Variants in ADGRL3 observed in about 807,000 individuals in gnomAD.
ADGRL3 encodes the protein calcium-independent alpha-latrotoxin receptor 3.
ADGRL3 carries 62 observed loss-of-function variants against 153.5 expected under a neutral mutation model. That is an observed-to-expected ratio of 0.40 (90% CI 0.33 to 0.50). The LOEUF (loss-of-function observed/expected upper bound fraction) is 0.50. ADGRL3 is among the 20% of genes least tolerant of loss of function. The probability of loss-of-function intolerance (pLI) is 0.47; values close to 1 mark genes in which losing one functional copy is unlikely to be tolerated. For missense variants in ADGRL3, 1,641 were observed against 1,859.4 expected, an observed-to-expected ratio of 0.88 and a Z score of 2.16; for synonymous variants, 710 against 672.5, an observed-to-expected ratio of 1.06 and a Z score of -0.86.
intron 17 of ADGRL3, among the ~76,000 whole-genome samples, chr4:61,966,308 G>GT (rs1390147245): frequency 2.6e-5 from 4 of 151,978 alleles, no homozygotes; most frequent in Non-Finnish European, 5.9e-5. Context: ...CTATTATATG[G>GT]TTTTTATAAT....
intron 1 of ADGRL3, among the ~76,000 whole-genome samples, chr4:61,217,499 A>T (rs76224520): frequency 0.014 from 2,180 of 152,324 alleles, 14 homozygotes; most frequent in Middle Eastern, 0.024. Context: ...GGCAATAGAG[A>T]AAACAAATCT....
chr4:61,972,782 A>G lies in ADGRL3; in HGVS notation c.2806-6781A>G, dbSNP rs1338998247. ...CATTTTCACAATATTGATTCTTCCT[A>G]CCCATGAGCATGGAATGTTCTTCCA... On this transcript the variant is annotated intron_variant, in intron 17 of 26. Transcript: ENST00000683033. 2.0e-5 allele frequency among the ~76,000 whole-genome samples: 3 copies of G among 152,104 alleles called. No homozygotes were observed. In the South Asian group the frequency reaches 6.2e-4, roughly 32 times the overall value.
intron 8 of ADGRL3, chr4:61,775,423 TG>T: frequency 2.9e-6 from 2 of 682,234 alleles, no homozygotes; most frequent in East Asian, 3.0e-5. Context: ...TGTGTGTGTG[TG>T]TGTGTGTGCC....
In ADGRL3 at chr4:62,033,046, A is replaced by G. The variant is rs184489088; in HGVS notation, c.3591+1436A>G. On this transcript the variant is annotated intron_variant, in intron 23 of 26. Transcript: ENST00000683033. ...CAAATAATTAATATGTACACCCCCC[A>G]AATTACAGAAGCCTGCCTAAACATA... 3.3e-5 allele frequency among the ~76,000 whole-genome samples: 5 copies of G among 151,888 alleles called. No individual in the cohort carries two copies. In the East Asian group the frequency reaches 9.7e-4, roughly 29 times the overall value.
intron 5 of ADGRL3, among the ~76,000 whole-genome samples, chr4:61,659,863 G>T (rs2094541792): frequency 7.3e-6 from 1 of 137,910 alleles, no homozygotes; most frequent in Admixed American, 8.3e-5. Context: ...TGGTATTCAT[G>T]CTAGGCTGGG....
At chr4:61,594,517 C>T (rs1040633857) in intron 5 of ADGRL3, among the ~76,000 whole-genome samples, 2 of 152,154 alleles carry the variant, frequency 1.3e-5, no homozygotes, top group African/African-American at 4.8e-5. Flanking sequence ...TTTGCAGACT[C>T]ATAGAGGCAC....
intron 11 of ADGRL3, among the ~76,000 whole-genome samples, chr4:61,896,788 T>A (rs915932962): frequency 6.6e-6 from 1 of 152,176 alleles, no homozygotes; most frequent in Non-Finnish European, 1.5e-5. Context: ...GTTTCAGCAC[T>A]GTTCCTGCCA....
chr4:61,581,019 T>A (rs2098922586), intron 4 of ADGRL3, among the ~76,000 whole-genome samples: 1 of 152,070 alleles, frequency 6.6e-6, no homozygotes, highest in Non-Finnish European at 1.5e-5. Context: ...ATGGCTGTTG[T>A]GAAAGTTGGG....
chr4:61,671,667 A>C lies in ADGRL3; in HGVS notation c.474-5159A>C, dbSNP rs575704942. ...GGCCTGGTTATATAATGCCTGATCT[A>C]CATCATGACTGAATGAATTCTGGGG... On this transcript the variant is annotated intron_variant, in intron 5 of 26. Coordinates refer to ENST00000683033, the MANE Select transcript of ADGRL3 (RefSeq NM_001387552.1). Among the ~76,000 whole-genome samples the C allele has an allele frequency of 3.9e-5, 6 of 152,260 alleles. 1 individual carries two copies. The highest frequency in any genetic ancestry group is 1.4e-4 in the African/African-American group (6 of 41,546).
At chr4:61,619,391 A>C (rs1295692857) in intron 5 of ADGRL3, among the ~76,000 whole-genome samples, 1 of 152,124 alleles carries the variant, frequency 6.6e-6, no homozygotes, top group East Asian at 1.9e-4. Flanking sequence ...CAAGAAAATT[A>C]TTTTCTTTGG....
At chr4:61,617,139 A>C (rs1316529793) in intron 5 of ADGRL3, among the ~76,000 whole-genome samples, 1 of 152,160 alleles carries the variant, frequency 6.6e-6, no homozygotes, top group East Asian at 1.9e-4. Flanking sequence ...ATTAACTCTG[A>C]TTCCTAAGAT....
chr4:61,985,517 G>A lies in ADGRL3; in HGVS notation c.3236+1914G>A, dbSNP rs577008407. On this transcript the variant is annotated intron_variant, in intron 19 of 26. Coordinates refer to ENST00000683033, the MANE Select transcript of ADGRL3 (RefSeq NM_001387552.1). Reference sequence around the variant, plus strand: ...AGCAGTGTAGGCTCAGATGAGGTTAGATAACTTCAATTTGTACAGAAGTTA... The same window carrying A: ...AGCAGTGTAGGCTCAGATGAGGTTAAATAACTTCAATTTGTACAGAAGTTA... Among the ~76,000 whole-genome samples the A allele has an allele frequency of 2.4e-4, 36 of 152,212 alleles. No individual in the cohort carries two copies. In the South Asian group the frequency reaches 7.5e-3, roughly 32 times the overall value.
intron 2 of ADGRL3, among the ~76,000 whole-genome samples, chr4:61,432,654 CT>C (rs375176904): frequency 0.021 from 420 of 19,684 alleles, 40 homozygotes; most frequent in Non-Finnish European, 0.029. Context: ...TTCTTTCTTT[CT>C]TTTTTTTTTT....
chr4:61,424,188 G>A (rs1407137742), intron 2 of ADGRL3, among the ~76,000 whole-genome samples: 1 of 152,100 alleles, frequency 6.6e-6, no homozygotes, highest in Non-Finnish European at 1.5e-5. Context: ...CAGTGGCTCA[G>A]AGTCAGGTGA....
In ADGRL3 at chr4:61,523,306, C is replaced by T. The variant is rs190604042; in HGVS notation, c.259+5788C>T. Among the ~76,000 whole-genome samples the T allele has an allele frequency of 1.3e-3, 204 of 152,194 alleles. 1 individual carries two copies. The highest frequency in any genetic ancestry group is 2.3e-3 in the African/African-American group (94 of 41,538). On this transcript the variant is annotated intron_variant, in intron 4 of 26. Transcript: ENST00000683033. ...ACAGGGATCAATTTTGCTACAGCAA[C>T]GGAAAACTCTTACAAGTTCAGCCTT...
chr4:61,958,377 GTTTCTTTCTTTCTTTC>G (rs3065141), intron 17 of ADGRL3, among the ~76,000 whole-genome samples: 6,046 of 148,126 alleles, frequency 0.041, 487 homozygotes, highest in East Asian at 0.38. Flanking sequence ...TGTTGTAAAG[GTTTCTTTCTTTCTTTC>G]TTTCTTTCTT....
intron 1 of ADGRL3, among the ~76,000 whole-genome samples, chr4:61,256,480 A>T (rs921901398): frequency 6.6e-6 from 1 of 152,174 alleles, no homozygotes; most frequent in East Asian, 1.9e-4. Context: ...TACAATAATT[A>T]TCCTTTTTTT....
intron 25 of ADGRL3, among the ~76,000 whole-genome samples, chr4:62,052,490 A>G (rs1322836740): frequency 6.6e-6 from 1 of 151,404 alleles, no homozygotes; most frequent in Non-Finnish European, 1.5e-5. Context: ...AACTGAATAT[A>G]TGAGGATATA....
At chr4:61,513,860 C>T (rs2098477016) in intron 3 of ADGRL3, among the ~76,000 whole-genome samples, 1 of 152,110 alleles carries the variant, frequency 6.6e-6, no homozygotes, top group South Asian at 2.1e-4. Flanking sequence ...TTATAGCTTC[C>T]TGCCTCAGAG....
Sources: allele counts gnomAD v4.1 joint callset (sites outside exome capture counted in the v4.1 genomes callset), GRCh38; gene constraint gnomAD v4.1.1; transcripts MANE v1.5; gene names NCBI Gene and HGNC (gene_info 2026-07-23, HGNC 2026-07-21).